Variants in S100Z observed in about 807,000 individuals in gnomAD.
The protein encoded by S100Z is S100 calcium binding protein Z.
S100Z carries 11 observed loss-of-function variants against 8.5 expected under a neutral mutation model. The observed-to-expected ratio is 1.30, with a 90% CI of 0.82 to 2.15. The LOEUF (loss-of-function observed/expected upper bound fraction) is 2.15. S100Z is among the 30% of genes most tolerant of loss of function. The pLI is 0.00. For missense variants in S100Z, 126 were observed against 117.9 expected (o/e 1.07, Z -0.32); for synonymous variants, 34 against 43.8 (o/e 0.78, Z 0.89).
the S100Z span, among the ~76,000 whole-genome samples, chr5:76,937,914 C>T: frequency 6.6e-6 from 1 of 151,970 alleles, no homozygotes; most frequent in Non-Finnish European, 1.5e-5. Flanking sequence ...GCTGGGCCAA[C>T]ATGGTGAAAC....
At chr5:76,863,975 G>A (rs1751173315) in intron 1 of S100Z, among the ~76,000 whole-genome samples, 3 of 152,196 alleles carry the variant, frequency 2.0e-5, no homozygotes, top group Non-Finnish European at 4.4e-5. Flanking sequence ...TTAAAAGACA[G>A]TGCTTAATAT....
At position 76,854,503 on chromosome 5, in the gene S100Z, TTGAGAG is replaced by T. The variant is rs1750825424; in HGVS notation, c.-176+4352_-176+4357del. 3.3e-5 allele frequency among the ~76,000 whole-genome samples: 5 copies of T among 152,290 alleles called. No individual in the cohort carries two copies. The East Asian group carries it at 7.7e-4, about 24-fold the overall frequency. On this transcript the variant is annotated intron_variant, in intron 1 of 4. Coordinates refer to ENST00000317593, the MANE Select transcript of S100Z (RefSeq NM_130772.4). ...CCTAGAGATCTGTGGAGCTTTGAACTTGAGAGTGATGATTTAGGGTATCTGACAGAA... is the reference window on the plus strand; with the variant it reads ...CCTAGAGATCTGTGGAGCTTTGAACTTGATGATTTAGGGTATCTGACAGAA...
chr5:76,915,670 C>G (rs1018874007), intron 4 of S100Z, among the ~76,000 whole-genome samples: 5 of 151,694 alleles, frequency 3.3e-5, no homozygotes, highest in African/African-American at 1.2e-4. Context: ...AAGTGGTAGG[C>G]TTAAGCCCAA....
intron 4 of S100Z, among the ~76,000 whole-genome samples, chr5:76,905,017 G>C (rs571063933): frequency 6.6e-6 from 1 of 152,242 alleles, no homozygotes; most frequent in African/African-American, 2.4e-5. Context: ...AGAACATTTG[G>C]CAATATCGAA....
rs78395374 is a variant in S100Z at position 76,892,025 on chromosome 5, G to C, written c.*2+14191G>C. On this transcript the variant is annotated intron_variant, in intron 4 of 4. Transcript: ENST00000317593. ...CTAGTCCGAATGATTCAGAATGAAG[G>C]AGGAGGAAGGGTAAGAACCTGCACT... is the stretch of plus-strand genomic sequence containing the variant. 4.7e-3 allele frequency among the ~76,000 whole-genome samples: 711 copies of C among 152,350 alleles called. 12 individuals carry two copies. The highest frequency in any genetic ancestry group is 0.016 in the African/African-American group (672 of 41,586).
intron 4 of S100Z, among the ~76,000 whole-genome samples, chr5:76,888,365 G>GT (rs1235748706): frequency 8.3e-5 from 7 of 84,006 alleles, no homozygotes; most frequent in African/African-American, 3.0e-4. Context: ...GAAAGTGCTG[G>GT]TATTTTTTTT....
At chr5:76,865,856 T>TA (rs568901339) in intron 1 of S100Z, among the ~76,000 whole-genome samples, 5 of 147,496 alleles carry the variant, frequency 3.4e-5, no homozygotes, top group Admixed American at 6.7e-5. Context: ...CTACTAAAAA[T>TA]AAAAAAAAAT....
At chr5:76,915,366 G>A (rs921897656) in intron 4 of S100Z, among the ~76,000 whole-genome samples, 79 of 150,052 alleles carry the variant, frequency 5.3e-4, no homozygotes, top group African/African-American at 1.9e-3. Flanking sequence ...CACTTTGGGA[G>A]GCCGAGGCGG....
At chr5:76,924,870 G>A (rs1444343158), downstream of S100Z, among the ~76,000 whole-genome samples, 1 of 151,380 alleles carries the variant, frequency 6.6e-6, no homozygotes, top group Admixed American at 6.6e-5. Flanking sequence ...CCAAGATGGC[G>A]CCACGGCACT....
At chr5:76,891,986 G>A (rs537438648) in intron 4 of S100Z, among the ~76,000 whole-genome samples, 2 of 152,282 alleles carry the variant, frequency 1.3e-5, no homozygotes, top group African/African-American at 4.8e-5. Context: ...ATTAGGATTT[G>A]CAGTTTTTCC....
intron 4 of S100Z, among the ~76,000 whole-genome samples, chr5:76,918,229 C>T (rs1744914805): frequency 6.6e-6 from 1 of 152,088 alleles, no homozygotes; most frequent in African/African-American, 2.4e-5. Flanking sequence ...GTTTTTGAGA[C>T]AGAATCTGGC....
chr5:76,919,909 T>TTTTTTTTTTTCA (rs1484763762), intron 4 of S100Z, among the ~76,000 whole-genome samples: 1 of 142,118 alleles, frequency 7.0e-6, no homozygotes, highest in African/African-American at 2.7e-5. Context: ...CAGCTTTCAT[T>TTTTTTTTTTTCA]TTTTTTTTTT....
At chr5:76,857,839 A>C (rs1750929398) in intron 1 of S100Z, among the ~76,000 whole-genome samples, 1 of 152,138 alleles carries the variant, frequency 6.6e-6, no homozygotes, top group South Asian at 2.1e-4. Context: ...AGTCTTCTAC[A>C]AGAAATTTCT....
At chr5:76,865,762 C>T (rs1178544106) in intron 1 of S100Z, among the ~76,000 whole-genome samples, 3 of 151,498 alleles carry the variant, frequency 2.0e-5, no homozygotes, top group Non-Finnish European at 2.9e-5. Context: ...CCTGTAATCC[C>T]AGCACTTTGG....
chr5:76,857,118 C>T (rs1750902916), intron 1 of S100Z, among the ~76,000 whole-genome samples: 1 of 152,082 alleles, frequency 6.6e-6, no homozygotes, highest in Non-Finnish European at 1.5e-5. Flanking sequence ...ATGGTGAAAC[C>T]CCGTCTCTAC....
intron 1 of S100Z, among the ~76,000 whole-genome samples, chr5:76,856,286 T>C (rs1163932948): frequency 6.6e-6 from 1 of 152,156 alleles, no homozygotes; most frequent in African/African-American, 2.4e-5. Flanking sequence ...CTGCACCCCC[T>C]ACCTCCAAAT....
At chr5:76,901,966 A>G (rs376762864) in intron 4 of S100Z, among the ~76,000 whole-genome samples, 4 of 152,154 alleles carry the variant, frequency 2.6e-5, no homozygotes, top group African/African-American at 9.6e-5. Flanking sequence ...TCAAGGCAGC[A>G]GGTTCCCTCC....
the S100Z span, among the ~76,000 whole-genome samples, chr5:76,941,751 G>A: frequency 6.6e-6 from 1 of 152,014 alleles, no homozygotes; most frequent in Non-Finnish European, 1.5e-5. Context: ...TCTTTGGAGG[G>A]AAGTCACTAT....
intron 4 of S100Z, among the ~76,000 whole-genome samples, chr5:76,890,519 G>A (rs1743819565): frequency 1.3e-5 from 2 of 152,066 alleles, no homozygotes; most frequent in Non-Finnish European, 2.9e-5. Flanking sequence ...ATGTGGTGAC[G>A]TGCACCTAAA....
Sources: allele counts gnomAD v4.1 joint callset (sites outside exome capture counted in the v4.1 genomes callset), GRCh38; gene constraint gnomAD v4.1.1; transcripts MANE v1.5; gene names NCBI Gene and HGNC (gene_info 2026-07-23, HGNC 2026-07-21).